CELF2: variants seen among roughly 807,000 people sequenced by gnomAD.
CELF2 encodes CUG triplet repeat RNA-binding protein 2.
A neutral mutation model predicts 62.6 loss-of-function variants in CELF2; 8 were observed. The observed-to-expected ratio is 0.13, with a 90% CI of 0.07 to 0.23. The LOEUF (loss-of-function observed/expected upper bound fraction) is 0.23, where lower values mean the gene tolerates loss of function less well. Ranked by LOEUF, CELF2 falls within the 10% of genes least tolerant of loss-of-function variation. The pLI, the probability that CELF2 is intolerant of heterozygous loss-of-function variation, is 1.00. For missense variants in CELF2, 333 were observed against 671.0 expected, an observed-to-expected ratio of 0.50 and a Z score of 5.56; for synonymous variants, 258 against 250.0, an observed-to-expected ratio of 1.03 and a Z score of -0.30.
the CELF2 span, among the ~76,000 whole-genome samples, chr10:10,593,567 G>A: frequency 6.6e-6 from 1 of 152,198 alleles, no homozygotes; most frequent in African/African-American, 2.4e-5. Flanking sequence ...GACCTCAAGG[G>A]TGTGGGCACA....
rs1565874188 is a variant in CELF2, at chr10:11,302,434, G to A, written c.977-11705G>A. Among the ~76,000 whole-genome samples the A allele has an allele frequency of 6.6e-6, 1 of 152,224 alleles. No individual in the cohort carries two copies. Among genetic ancestry groups the A allele is most frequent in the African/African-American group, 2.4e-5 (1 of 41,450 alleles). ...GGGAGCCCCAGGTGGTGCCGATGCG[G>A]GCGAGGCTGTAACTTTACAGTAACG... On this transcript the variant is annotated intron_variant, in intron 9 of 12. Coordinates refer to ENST00000633077, the MANE Select transcript of CELF2 (RefSeq NM_001326342.2). This position sits in a 1 kb window ranked among gnomAD's most constrained non-coding sequence, Gnocchi z 5.0.
chr10:11,113,528 A>G (rs1010043058), intron 1 of CELF2, among the ~76,000 whole-genome samples: 1 of 152,246 alleles, frequency 6.6e-6, no homozygotes, highest in African/African-American at 2.4e-5. Flanking sequence ...CTGGAGATAC[A>G]GTGGTGGAAA....
At chr10:11,160,196 A>G (rs1184279120) in intron 1 of CELF2, among the ~76,000 whole-genome samples, 5 of 152,236 alleles carry the variant, frequency 3.3e-5, no homozygotes, top group African/African-American at 1.2e-4. Context: ...AGAAATTAAG[A>G]GCCAGATGGG....
rs373235531 is a variant in CELF2, at chr10:11,011,464, TA to T, written c.53+6038del. On this transcript the variant is annotated intron_variant, in intron 1 of 12. Coordinates refer to the CELF2 transcript ENST00000416382. This position sits in a 1 kb window ranked among gnomAD's most constrained non-coding sequence, Gnocchi z 4.6. ...GACACCCTGAATTCATCTTTATTATTAAAAAAAAAAAAAACGCAAAATACAA... is the reference window on the plus strand; with the variant it reads ...GACACCCTGAATTCATCTTTATTATTAAAAAAAAAAAAACGCAAAATACAA... Among the ~76,000 whole-genome samples, 707 of 136,288 alleles carry T rather than the reference TA, an allele frequency of 5.2e-3. 4 individuals are homozygous for T. The highest frequency in any genetic ancestry group is 0.011 in the Middle Eastern group (3 of 266). 89.4% of individuals were successfully genotyped at this position (136,288 alleles called of 152,430 possible).
chr10:11,021,687 G>A (rs1288741520), intron 1 of CELF2, among the ~76,000 whole-genome samples: 1 of 152,214 alleles, frequency 6.6e-6, no homozygotes, highest in East Asian at 1.9e-4. Flanking sequence ...GAGGTGACCT[G>A]CTTGCCCCTG....
the CELF2 span, among the ~76,000 whole-genome samples, chr10:10,719,919 G>T: frequency 6.6e-6 from 1 of 152,126 alleles, no homozygotes; most frequent in African/African-American, 2.4e-5. Context: ...AAAAACAGCC[G>T]TTTTCAGTTC....
intron 2 of CELF2, among the ~76,000 whole-genome samples, chr10:11,173,267 A>G (rs774066323): frequency 1.3e-5 from 2 of 152,182 alleles, no homozygotes; most frequent in Non-Finnish European, 2.9e-5. Context: ...AGGTGTTGTC[A>G]ACAGGGTGAC....
At chr10:11,100,406 G>GGTT (rs59465744) in intron 1 of CELF2, among the ~76,000 whole-genome samples, 21,023 of 151,632 alleles carry the variant, frequency 0.14, 3,017 homozygotes, top group East Asian at 0.73. Context: ...TTGGGGTACA[G>GGTT]GTTGTTTTGG....
chr10:10,517,498 A>C, the CELF2 span, among the ~76,000 whole-genome samples: 1 of 152,146 alleles, frequency 6.6e-6, no homozygotes, highest in Non-Finnish European at 1.5e-5. Context: ...ACATCATCAC[A>C]AATAGGATGT....
At chr10:11,067,292 A>G (rs147488301) in intron 1 of CELF2, among the ~76,000 whole-genome samples, 3 of 152,368 alleles carry the variant, frequency 2.0e-5, no homozygotes, top group African/African-American at 7.2e-5. Context: ...ATGATATTTT[A>G]TGGCAACAAG....
At chr10:10,912,939 T>C (rs1284412723) in intron 1 of CELF2, among the ~76,000 whole-genome samples, 1 of 152,204 alleles carries the variant, frequency 6.6e-6, no homozygotes, top group Non-Finnish European at 1.5e-5. Context: ...TAGTAACTAC[T>C]TCGTGAGGCT....
At chr10:10,597,484 C>T in the CELF2 span, among the ~76,000 whole-genome samples, 1 of 152,072 alleles carries the variant, frequency 6.6e-6, no homozygotes, top group East Asian at 1.9e-4. Flanking sequence ...TGACAAGCCA[C>T]ACTTCCAAGT....
intron 5 of CELF2, among the ~76,000 whole-genome samples, chr10:11,261,969 A>G (rs1270763208): frequency 6.6e-6 from 1 of 152,052 alleles, no homozygotes; most frequent in Non-Finnish European, 1.5e-5. Context: ...AGCCTGGGCT[A>G]TTTAGGTACA....
chr10:11,066,862 AGCTCCT>A (rs2068309821), intron 1 of CELF2, among the ~76,000 whole-genome samples: 1 of 152,128 alleles, frequency 6.6e-6, no homozygotes, highest in African/African-American at 2.4e-5. Context: ...CAAGAACCCC[AGCTCCT>A]GCTGCATCTC....
At chr10:11,043,408 A>C (rs1332276802) in intron 1 of CELF2, among the ~76,000 whole-genome samples, 7 of 152,218 alleles carry the variant, frequency 4.6e-5, no homozygotes, top group Non-Finnish European at 1.0e-4. Flanking sequence ...TTTTCCCATT[A>C]TAAGGAATGG....
At position 11,235,046 on chromosome 10, in the gene CELF2, A is replaced by G. The variant is rs568115650; in HGVS notation, c.355-14107A>G. Among the ~76,000 whole-genome samples, 12 of 152,296 alleles carry G rather than the reference A, an allele frequency of 7.9e-5. 1 individual carries two copies. The South Asian group carries it at 2.5e-3, about 32-fold the overall frequency. ...AGTTTTAACGAGGTCAAGCAACTTG[A>G]CTCACATACTTGGAATTGGCAGAGT... On this transcript the variant is annotated intron_variant, in intron 3 of 12. Transcript: ENST00000633077.
chr10:11,243,142 C>T lies in CELF2; in HGVS notation c.355-6011C>T, dbSNP rs886312306. Among the ~76,000 whole-genome samples the T allele has an allele frequency of 2.0e-5, 3 of 152,070 alleles. No individual in the cohort carries two copies. The highest frequency in any genetic ancestry group is 4.8e-5 in the African/African-American group (2 of 41,384). The stretch of plus-strand genomic sequence containing the variant: ...AGCTCCACCTTCATTGTGCATAGGA[C>T]GCTGATTCTTAGTACACAGCAGCAA... On this transcript the variant is annotated intron_variant, in intron 3 of 12. Coordinates refer to ENST00000633077, the MANE Select transcript of CELF2 (RefSeq NM_001326342.2). This position sits in a 1 kb window ranked among gnomAD's most constrained non-coding sequence, Gnocchi z 4.1.
chr10:11,015,837 A>G (rs2057178997), upstream of CELF2, among the ~76,000 whole-genome samples: 1 of 152,232 alleles, frequency 6.6e-6, no homozygotes, highest in African/African-American at 2.4e-5. The surrounding 1 kb of genome is among the most constrained non-coding windows in gnomAD (Gnocchi z 4.8). Context: ...GCTTCCTTAC[A>G]GCTTCTTCCA....
intron 1 of CELF2, among the ~76,000 whole-genome samples, chr10:10,818,436 C>T (rs2056674914): frequency 6.6e-6 from 1 of 152,120 alleles, no homozygotes. Flanking sequence ...GTTTCAGATC[C>T]CAGTTGTATG....
Sources: gnomAD v4.1 joint callset for allele counts (sites outside exome capture counted in the v4.1 genomes callset) on GRCh38, gnomAD v4.1.1 for gene constraint, Gnocchi (gnomAD v3.1) non-coding constraint, MANE v1.5 for transcripts, NCBI Gene and HGNC (gene_info 2026-07-23, HGNC 2026-07-21) for gene names.